GABBR2: variants seen among roughly 807,000 people sequenced by gnomAD.
GABBR2 encodes G-protein coupled receptor 51.
GABBR2 carries 23 observed loss-of-function variants against 105.6 expected under a neutral mutation model. The observed-to-expected ratio is 0.22, with a 90% confidence interval of 0.16 to 0.31. GABBR2 has a LOEUF of 0.31. Among genes scored for constraint, GABBR2 ranks in the 10% least tolerant of loss-of-function variants. The probability of loss-of-function intolerance (pLI) is 1.00; values close to 1 mark genes in which losing one functional copy is unlikely to be tolerated. For missense variants in GABBR2, 734 were observed against 1,245.5 expected (o/e 0.59, Z 6.18); for synonymous variants, 478 against 499.7 (o/e 0.96, Z 0.58).
intron 16 of GABBR2, among the ~76,000 whole-genome samples, chr9:98,299,965 C>T (rs115340532): frequency 0.015 from 2,284 of 152,026 alleles, 61 homozygotes; most frequent in African/African-American, 0.051. Context: ...TAGGCTCAAG[C>T]AATCCTCCTG....
intron 2 of GABBR2, among the ~76,000 whole-genome samples, chr9:98,556,518 G>T (rs1828585966): frequency 1.3e-5 from 2 of 152,198 alleles, no homozygotes; most frequent in Non-Finnish European, 2.9e-5. Flanking sequence ...CCCAGAACGA[G>T]AAGTTTTATT....
intron 7 of GABBR2, among the ~76,000 whole-genome samples, chr9:98,437,342 G>A (rs982953130): frequency 6.6e-6 from 1 of 151,864 alleles, no homozygotes; most frequent in Non-Finnish European, 1.5e-5. Context: ...ATCTATGCCT[G>A]TCCACAAACC....
At chr9:98,506,802 G>A (rs535811340) in intron 3 of GABBR2, among the ~76,000 whole-genome samples, 3 of 152,288 alleles carry the variant, frequency 2.0e-5, no homozygotes, top group African/African-American at 7.2e-5. Flanking sequence ...CCTGCTGGGA[G>A]TCCAGCTGGC....
chr9:98,596,420 G>C (rs571446544), intron 1 of GABBR2, among the ~76,000 whole-genome samples: 2 of 152,158 alleles, frequency 1.3e-5, no homozygotes, highest in South Asian at 4.1e-4. Context: ...CACAGCCTTG[G>C]GGGTGGGGGC....
intron 4 of GABBR2, among the ~76,000 whole-genome samples, chr9:98,487,623 T>TAC (rs1827086879): frequency 6.6e-6 from 1 of 151,482 alleles, no homozygotes; most frequent in Non-Finnish European, 1.5e-5. Context: ...AATATATATA[T>TAC]ATATATAGGC....
chr9:98,443,127 A>G (rs1005998015), intron 7 of GABBR2, among the ~76,000 whole-genome samples: 2 of 152,214 alleles, frequency 1.3e-5, no homozygotes, highest in African/African-American at 4.8e-5. Context: ...TATAGTAGGC[A>G]TTCAAAACTG....
At chr9:98,537,367 G>C (rs1828202151) in intron 3 of GABBR2, among the ~76,000 whole-genome samples, 1 of 152,092 alleles carries the variant, frequency 6.6e-6, no homozygotes, top group Non-Finnish European at 1.5e-5. Flanking sequence ...CTGGGGGGTG[G>C]AACTGACTAC....
chr9:98,389,035 C>A, intron 9 of GABBR2, 31 bp from the exon 10 acceptor site: 1 of 1,591,734 alleles, frequency 6.3e-7, no homozygotes, highest in Non-Finnish European at 8.6e-7. Flanking sequence ...ATCAGTGGGA[C>A]CCAATGCAAG....
chr9:98,708,835 G>T lies in GABBR2; in HGVS notation c.-98C>A. ...GGTCTTCCCGCGGCGCCCGCGCAAT[G>T]GCGCCGGCCCGGGCCCCGGCTCCGT... On this transcript the variant is annotated 5_prime_UTR_variant, in exon 1 of 19. Transcript: ENST00000259455. 1.4e-6 allele frequency: 1 copy of T among 693,186 alleles called. No homozygotes were observed. Among genetic ancestry groups the T allele is most frequent in the South Asian group, 6.1e-5 (1 of 16,396 alleles). 42.9% of individuals were successfully genotyped at this position (693,186 alleles called of 1,614,324 possible). A position where few individuals can be genotyped will look rare whatever the true frequency, so the allele number is the denominator to read the frequency against.
intron 13 of GABBR2, among the ~76,000 whole-genome samples, chr9:98,315,980 T>G (rs1040282638): frequency 6.6e-6 from 1 of 152,222 alleles, no homozygotes; most frequent in African/African-American, 2.4e-5. Flanking sequence ...GTTCCCAGTG[T>G]GGACTGTCCA....
At chr9:98,338,422 A>C (rs1165673897) in intron 13 of GABBR2, among the ~76,000 whole-genome samples, 1 of 152,170 alleles carries the variant, frequency 6.6e-6, no homozygotes, top group Non-Finnish European at 1.5e-5. Context: ...TTACAACTCC[A>C]CAAAAAACAG....
chr9:98,696,790 G>A (rs1830758904), intron 1 of GABBR2, among the ~76,000 whole-genome samples: 1 of 152,164 alleles, frequency 6.6e-6, no homozygotes, highest in African/African-American at 2.4e-5. Context: ...TTCTGCAAGC[G>A]ACAAGTTCTC....
chr9:98,678,557 T>C (rs1226232171), intron 1 of GABBR2, among the ~76,000 whole-genome samples: 1 of 152,198 alleles, frequency 6.6e-6, no homozygotes. Context: ...GTCTATGGCA[T>C]TGTAATTCAG....
At chr9:98,668,374 T>C (rs1830364513) in intron 1 of GABBR2, among the ~76,000 whole-genome samples, 1 of 152,248 alleles carries the variant, frequency 6.6e-6, no homozygotes. Context: ...GTTATATCAG[T>C]AGCCACTTCT....
At chr9:98,310,030 G>A (rs1830611450) in intron 14 of GABBR2, among the ~76,000 whole-genome samples, 1 of 152,190 alleles carries the variant, frequency 6.6e-6, no homozygotes, top group Non-Finnish European at 1.5e-5. Flanking sequence ...TCTAAGTGGG[G>A]TCAAACGGGG....
chr9:98,397,786 C>T (rs1490643654), intron 8 of GABBR2, among the ~76,000 whole-genome samples: 2 of 152,156 alleles, frequency 1.3e-5, no homozygotes, highest in African/African-American at 2.4e-5. Context: ...GGACTCAGGG[C>T]TCTGTGCATG....
At chr9:98,524,824 TA>T (rs1336718486) in intron 3 of GABBR2, among the ~76,000 whole-genome samples, 2 of 148,700 alleles carry the variant, frequency 1.3e-5, no homozygotes, top group African/African-American at 2.5e-5. Context: ...TCCCTCTTAT[TA>T]AAAAAAAAAC....
chr9:98,455,778 G>C (rs1486999500), intron 6 of GABBR2, among the ~76,000 whole-genome samples: 1 of 152,230 alleles, frequency 6.6e-6, no homozygotes, highest in East Asian at 1.9e-4. Flanking sequence ...CAAGTCTCTT[G>C]TGGGGTCACC....
chr9:98,585,387 A>G (rs1313236320), intron 1 of GABBR2, among the ~76,000 whole-genome samples: 3 of 150,798 alleles, frequency 2.0e-5, no homozygotes, highest in Non-Finnish European at 4.4e-5. Context: ...AAACTATCGC[A>G]AGGACAAAAA....
Sources: allele counts gnomAD v4.1 joint callset (sites outside exome capture counted in the v4.1 genomes callset), GRCh38; gene constraint gnomAD v4.1.1; transcripts MANE v1.5; gene names NCBI Gene and HGNC (gene_info 2026-07-23, HGNC 2026-07-21).